The following BTNL8 variants were observed in gnomAD, a reference collection of about 807,000 sequenced individuals.
BTNL8 encodes butyrophilin like 8, also known as butyrophilin-like protein 8.
In BTNL8, 22 loss-of-function variants were observed where a neutral mutation model predicts 36.1. The observed-to-expected ratio is 0.61, with a 90% CI of 0.44 to 0.87. BTNL8 has a LOEUF of 0.87. BTNL8 is among the 40% of genes least tolerant of loss of function. BTNL8 has a pLI of 0.00. For synonymous variants in BTNL8, 203 were observed against 235.6 expected (o/e 0.86, Z 1.27); for missense variants, 526 against 616.9 (o/e 0.85, Z 1.56).
At chr5:180,909,716 T>TA (rs578101929) in intron 2 of BTNL8, 47,863 of 187,490 alleles carry the variant, frequency 0.26, 5,567 homozygotes, top group Admixed American at 0.33. Flanking sequence ...TCATCTCTAT[T>TA]AAAAAAAAAA....
intron 3 of BTNL8, 113 bp from the exon 4 acceptor site, chr5:180,947,399 A>G: frequency 7.2e-7 from 1 of 1,386,676 alleles, no homozygotes; most frequent in Non-Finnish European, 9.9e-7. Context: ...CTATAGGAGA[A>G]TTTATAGAAA....
chr5:180,947,372 C>A, intron 3 of BTNL8, 140 bp from the exon 4 acceptor site: 5 of 1,167,604 alleles, frequency 4.3e-6, no homozygotes, highest in East Asian at 2.4e-5. Flanking sequence ...AACAAAAGTA[C>A]AATCAAAGTA....
chr5:180,947,540 C>G lies in BTNL8; in HGVS notation c.702C>G (p.His234Gln), dbSNP rs772072929. 2.2e-5 allele frequency: 35 copies of G among 1,613,926 alleles called. 2 individuals are homozygous for G. In the Admixed American group the frequency reaches 5.8e-4, roughly 27 times the overall value. Residue 234 changes from histidine (H) to glutamine (Q), a missense_variant, in exon 4 of 8, where the codon CAC (histidine) becomes CAG (glutamine). This residue lies in a region of BTNL8 where 350 missense variants were observed against 324.6 expected (regional missense o/e 1.08). Coordinates refer to ENST00000340184, the MANE Select transcript of BTNL8 (RefSeq NM_001040462.3). Reference sequence around the variant, plus strand: ...CCTTTTTCGAGCCTATATCGTGGCACCTGGCTACCAAAGTACTGGGAATAC... The same window carrying G: ...CCTTTTTCGAGCCTATATCGTGGCAGCTGGCTACCAAAGTACTGGGAATAC... ...GDTFFEPISW[H>Q]LATKVLGILC...
intron 3 of BTNL8, among the ~76,000 whole-genome samples, chr5:180,915,160 C>A (rs1334764465): frequency 6.6e-6 from 1 of 152,194 alleles, no homozygotes; most frequent in Non-Finnish European, 1.5e-5. Context: ...CCAGCCCCTG[C>A]ACTCTACTAG....
At chr5:180,913,491 T>C (rs1301687927) in intron 3 of BTNL8, among the ~76,000 whole-genome samples, 2 of 152,340 alleles carry the variant, frequency 1.3e-5, no homozygotes, top group East Asian at 3.9e-4. Context: ...CTAGTTGGTT[T>C]TTCTAATCTA....
intron 3 of BTNL8, 37 bp downstream of exon 3, chr5:180,911,651 G>A (rs878937428): frequency 1.3e-6 from 2 of 1,561,824 alleles, no homozygotes; most frequent in Admixed American, 3.5e-5. Flanking sequence ...AGGAGGGGTG[G>A]ATGCTTCGGT....
rs1050559105 is a variant in BTNL8, at chr5:180,908,501, G to A, written c.50-85G>A. The A allele has an allele frequency of 3.7e-5, 49 of 1,310,900 alleles. 1 individual carries two copies. Among genetic ancestry groups the A allele is most frequent in the African/African-American group, 1.3e-4 (9 of 68,402 alleles). The allele number at this position is 1,310,900 out of a possible 1,614,324, so 81.2% of individuals were successfully genotyped here. On this transcript the variant is annotated intron_variant, in intron 1 of 7. Coordinates refer to ENST00000340184, the MANE Select transcript of BTNL8 (RefSeq NM_001040462.3). Reference sequence around the variant, plus strand: ...TCGCTCACTCTGGGAGCTGTAGACCGGAGCTGTTCCTATTCGGCCATCTTG... The same window carrying A: ...TCGCTCACTCTGGGAGCTGTAGACCAGAGCTGTTCCTATTCGGCCATCTTG...
chr5:180,944,192 G>T (rs536117461), intron 3 of BTNL8, among the ~76,000 whole-genome samples: 6 of 151,916 alleles, frequency 3.9e-5, no homozygotes, highest in Non-Finnish European at 8.8e-5. Flanking sequence ...GGGAGGAATG[G>T]AGAAAGACTG....
At chr5:180,904,561 T>C (rs1310451026) in intron 1 of BTNL8, among the ~76,000 whole-genome samples, 2 of 136,536 alleles carry the variant, frequency 1.5e-5, no homozygotes, top group Non-Finnish European at 3.1e-5. Context: ...TCCAGCACTA[T>C]GTTGAATAGG....
At position 180,935,120 on chromosome 5, in the gene BTNL8, G is replaced by A. The variant is rs1458010574; in HGVS notation, c.674-12392G>A. Among the ~76,000 whole-genome samples, 1 of 152,134 alleles carries A rather than the reference G, an allele frequency of 6.6e-6. No homozygotes were observed. The highest frequency in any genetic ancestry group is 1.9e-4 in the East Asian group (1 of 5,190). ...GGGTTTTTATGGGCCCAGAAGGAAG[G>A]GAGTGCATGCTGATTGGTTCATGGA... On this transcript the variant is annotated intron_variant, in intron 3 of 7. Transcript: ENST00000340184. This position sits in a 1 kb window ranked among gnomAD's most constrained non-coding sequence, Gnocchi z 4.8.
At position 180,928,541 on chromosome 5, in the gene BTNL8, C is replaced by A. The variant is rs149903540; in HGVS notation, c.673+16927C>A. Among the ~76,000 whole-genome samples, 1,117 of 152,296 alleles carry A rather than the reference C, an allele frequency of 7.3e-3. 15 individuals are homozygous for A. Among genetic ancestry groups the A allele is most frequent in the African/African-American group, 0.025 (1,051 of 41,562 alleles). On this transcript the variant is annotated intron_variant, in intron 3 of 7. Transcript: ENST00000340184. Reference sequence around the variant, plus strand: ...TGGCAAATTTGATAACGGGTCATGACCCATTAATGTGCTATATTCGGGAGA... The same window carrying A: ...TGGCAAATTTGATAACGGGTCATGAACCATTAATGTGCTATATTCGGGAGA...
At chr5:180,912,276 G>A (rs2113786176) in intron 3 of BTNL8, among the ~76,000 whole-genome samples, 1 of 152,160 alleles carries the variant, frequency 6.6e-6, no homozygotes, top group Admixed American at 6.5e-5. Flanking sequence ...GGCTCTCCTG[G>A]GGCTCCAGAT....
At chr5:180,909,650 C>T (rs1213462355) in intron 2 of BTNL8, 2 of 922,678 alleles carry the variant, frequency 2.2e-6, no homozygotes, top group East Asian at 1.2e-4. Flanking sequence ...GAGGCTGAGA[C>T]AGGAGGATTG....
Position 180,938,782 on chromosome 5 carries a change from A to C in BTNL8, c.674-8730A>C, listed in dbSNP as rs574823201. On this transcript the variant is annotated intron_variant, in intron 3 of 7. Coordinates refer to ENST00000340184, the MANE Select transcript of BTNL8 (RefSeq NM_001040462.3). ...CAGCAGATTTCTTAACAGAAATCTT[A>C]CAGGCCAAGAGAGAAAGGGATACTA... is the stretch of plus-strand genomic sequence containing the variant. Among the ~76,000 whole-genome samples, 49 of 152,266 alleles carry C rather than the reference A, an allele frequency of 3.2e-4. 1 individual carries two copies. The Middle Eastern group carries it at 0.01, about 32-fold the overall frequency.
At chr5:180,912,774 C>T (rs1012983345) in intron 3 of BTNL8, among the ~76,000 whole-genome samples, 7 of 152,118 alleles carry the variant, frequency 4.6e-5, no homozygotes, top group Admixed American at 2.0e-4. Flanking sequence ...TCACCATTTG[C>T]GACCCATAAT....
chr5:180,949,812 A>T lies in BTNL8; in HGVS notation c.863-92A>T, dbSNP rs1418016435. ...CCGGGGCCTCACCTATGCCACCCAGAGCCAGTCTGCAGTGGGAGGGTCGAC... is the reference window on the plus strand; with the variant it reads ...CCGGGGCCTCACCTATGCCACCCAGTGCCAGTCTGCAGTGGGAGGGTCGAC... On this transcript the variant is annotated intron_variant, in intron 7 of 7. Coordinates refer to ENST00000340184, the MANE Select transcript of BTNL8 (RefSeq NM_001040462.3). 1.5e-5 allele frequency: 21 copies of T among 1,387,504 alleles called. 7 individuals carry two copies. The highest frequency in any genetic ancestry group is 2.1e-5 in the Non-Finnish European group (21 of 1,014,010). 85.9% of individuals were successfully genotyped at this position (1,387,504 alleles called of 1,614,324 possible). A position where few individuals can be genotyped will look rare whatever the true frequency, so the allele number is the denominator to read the frequency against.
At chr5:180,921,617 C>T (rs1757862110) in intron 3 of BTNL8, among the ~76,000 whole-genome samples, 1 of 151,388 alleles carries the variant, frequency 6.6e-6, no homozygotes, top group Non-Finnish European at 1.5e-5. Context: ...CTATTGTATT[C>T]TTAAATTCTG....
chr5:180,944,857 G>C (rs1335240975), intron 3 of BTNL8, among the ~76,000 whole-genome samples: 1 of 151,966 alleles, frequency 6.6e-6, no homozygotes, highest in Non-Finnish European at 1.5e-5. Context: ...CCATGTTCAG[G>C]GATTGGAAGG....
intron 4 of BTNL8, 77 bp downstream of exon 4, chr5:180,947,702 T>C (rs1442094311): frequency 6.2e-7 from 1 of 1,614,090 alleles, no homozygotes; most frequent in Admixed American, 1.7e-5. Context: ...TGCTCCCACA[T>C]CCAGCTGCTT....
Sources: gnomAD v4.1 joint callset for allele counts (sites outside exome capture counted in the v4.1 genomes callset) on GRCh38, gnomAD v4.1.1 for gene constraint, gnomAD v4.1.1 regional missense constraint, Gnocchi (gnomAD v3.1) non-coding constraint, MANE v1.5 for transcripts, NCBI Gene and HGNC (gene_info 2026-07-23, HGNC 2026-07-21) for gene names.